The following TTC7B variants were observed in gnomAD, a reference collection of about 807,000 sequenced individuals.
TTC7B encodes tetratricopeptide repeat protein 7B.
TTC7B carries 28 observed loss-of-function variants against 106.8 expected under a neutral mutation model. The ratio of observed to expected loss-of-function variants is 0.26; its 90% CI spans 0.19 to 0.36. The LOEUF (loss-of-function observed/expected upper bound fraction) is 0.36, where lower values mean the gene tolerates loss of function less well. Ranked by LOEUF, TTC7B falls within the 10% of genes least tolerant of loss-of-function variation. The pLI is 1.00. For synonymous variants in TTC7B, 405 were observed against 430.6 expected, an observed-to-expected ratio of 0.94 and a Z score of 0.74; for missense variants, 862 against 1,076.4, an observed-to-expected ratio of 0.80 and a Z score of 2.79.
chr14:90,766,096 T>C (rs986032357), intron 3 of TTC7B, among the ~76,000 whole-genome samples: 1 of 149,848 alleles, frequency 6.7e-6, no homozygotes, highest in East Asian at 2.0e-4. Flanking sequence ...CTCAAATATA[T>C]ACCCCAGGCT....
At chr14:90,743,700 G>A (rs1167367220) in intron 4 of TTC7B, among the ~76,000 whole-genome samples, 1 of 152,220 alleles carries the variant, frequency 6.6e-6, no homozygotes, top group Non-Finnish European at 1.5e-5. Context: ...TCTGGGCTAA[G>A]TGCCTTTATT....
chr14:90,625,597 C>T (rs531384076), intron 15 of TTC7B, among the ~76,000 whole-genome samples: 22 of 152,278 alleles, frequency 1.4e-4, no homozygotes, highest in African/African-American at 5.3e-4. Flanking sequence ...GCCAGGTGAG[C>T]CTATGATGCT....
chr14:90,797,869 G>A (rs1467059145), intron 1 of TTC7B, among the ~76,000 whole-genome samples: 1 of 152,150 alleles, frequency 6.6e-6, no homozygotes, highest in Non-Finnish European at 1.5e-5. Context: ...TGCACCCCAT[G>A]CAGCAGGACC....
chr14:90,547,505 C>T (rs961179784), intron 19 of TTC7B, among the ~76,000 whole-genome samples: 28 of 152,234 alleles, frequency 1.8e-4, no homozygotes, highest in African/African-American at 6.0e-4. Context: ...GGACAGAAGC[C>T]ACTTTGGAGG....
At chr14:90,693,589 C>G (rs762267946) in intron 6 of TTC7B, among the ~76,000 whole-genome samples, 1 of 152,150 alleles carries the variant, frequency 6.6e-6, no homozygotes, top group Non-Finnish European at 1.5e-5. Flanking sequence ...CAGCAGAGAA[C>G]GCTGCCAACA....
chr14:90,570,701 C>T lies in TTC7B; in HGVS notation c.2310+7405G>A, dbSNP rs200986863. 4.8e-4 allele frequency among the ~76,000 whole-genome samples: 73 copies of T among 152,264 alleles called. No homozygotes were observed. The highest frequency in any genetic ancestry group is 1.6e-3 in the African/African-American group (66 of 41,548). ...GATGACTCACTCACTGTCAAACAGACGCAAAGGATCTCCCAGCCCAGGCGC... is the reference window on the plus strand; with the variant it reads ...GATGACTCACTCACTGTCAAACAGATGCAAAGGATCTCCCAGCCCAGGCGC... On this transcript the variant is annotated intron_variant, in intron 19 of 19. Transcript: ENST00000328459. This position sits in a 1 kb window ranked among gnomAD's most constrained non-coding sequence, Gnocchi z 4.0.
rs952311472 is a variant in TTC7B at position 90,578,787 on chromosome 14, T to G, written c.2108-479A>C. Among the ~76,000 whole-genome samples the G allele has an allele frequency of 4.6e-5, 7 of 152,040 alleles. No homozygotes were observed. The highest frequency in any genetic ancestry group is 8.8e-5 in the Non-Finnish European group (6 of 68,018). On this transcript the variant is annotated intron_variant, in intron 18 of 19. Coordinates refer to ENST00000328459, the MANE Select transcript of TTC7B (RefSeq NM_001010854.2). The surrounding 1 kb of genome is among the most constrained non-coding windows in gnomAD (Gnocchi z 4.7). Reference sequence around the variant, plus strand: ...CTGATGCCAAGAAGTATGATGGGGCTGCAGGCTGCAGCTATCATGTTCACA... The same window carrying G: ...CTGATGCCAAGAAGTATGATGGGGCGGCAGGCTGCAGCTATCATGTTCACA...
At chr14:90,562,577 A>G (rs2139785841) in intron 19 of TTC7B, among the ~76,000 whole-genome samples, 1 of 152,312 alleles carries the variant, frequency 6.6e-6, no homozygotes, top group Admixed American at 6.5e-5. Flanking sequence ...TACCACCTAC[A>G]TTTAACAACC....
intron 15 of TTC7B, among the ~76,000 whole-genome samples, chr14:90,631,711 C>T (rs1249441811): frequency 6.6e-6 from 1 of 152,104 alleles, no homozygotes; most frequent in Non-Finnish European, 1.5e-5. Flanking sequence ...CAGCCTGAGT[C>T]TGCACCATTT....
At chr14:90,744,738 C>T in intron 4 of TTC7B, 54 bp downstream of exon 4, 1 of 1,585,854 alleles carries the variant, frequency 6.3e-7, no homozygotes, top group East Asian at 2.2e-5. Context: ...CAGTTGTCCA[C>T]TATCTGATTT....
At chr14:90,629,273 T>C (rs1236660398) in intron 15 of TTC7B, among the ~76,000 whole-genome samples, 2 of 152,098 alleles carry the variant, frequency 1.3e-5, no homozygotes, top group Non-Finnish European at 2.9e-5. Flanking sequence ...AATAGTAAAC[T>C]TTCCTTACTT....
At chr14:90,541,625 A>T in intron 19 of TTC7B, 36 bp from the exon 20 acceptor site, 1 of 1,499,550 alleles carries the variant, frequency 6.7e-7, no homozygotes, top group East Asian at 2.3e-5. Context: ...ACAGTCAGCC[A>T]TGGAGGCTTC....
Position 90,723,595 on chromosome 14 carries a change from T to C in TTC7B, c.698+6480A>G, listed in dbSNP as rs887423901. Reference sequence around the variant, plus strand: ...TTGCACCCACTCCTTGGAGCTCTCTTTCCCCTGTGCTTGACCTGGTTAGTT... The same window carrying C: ...TTGCACCCACTCCTTGGAGCTCTCTCTCCCCTGTGCTTGACCTGGTTAGTT... On this transcript the variant is annotated intron_variant, in intron 5 of 19. Transcript: ENST00000328459. Among the ~76,000 whole-genome samples, 5 of 152,154 alleles carry C rather than the reference T, an allele frequency of 3.3e-5. No homozygotes were observed. In the East Asian group the frequency reaches 9.7e-4, roughly 29 times the overall value.
At chr14:90,707,784 G>A (rs141224713) in intron 5 of TTC7B, among the ~76,000 whole-genome samples, 1 of 152,308 alleles carries the variant, frequency 6.6e-6, no homozygotes, top group African/African-American at 2.4e-5. Flanking sequence ...AGAAGATGCA[G>A]AGGAAAAGTT....
chr14:90,666,534 C>T (rs953638302), intron 9 of TTC7B, among the ~76,000 whole-genome samples: 2 of 152,110 alleles, frequency 1.3e-5, no homozygotes, highest in African/African-American at 4.8e-5. Context: ...AGCCTGGGTC[C>T]AGGAAAAGCT....
intron 1 of TTC7B, among the ~76,000 whole-genome samples, chr14:90,797,972 T>C (rs529741009): frequency 6.6e-6 from 1 of 152,302 alleles, no homozygotes; most frequent in Admixed American, 6.5e-5. Flanking sequence ...CTGAATCCCA[T>C]GCTCTGTGGC....
At chr14:90,703,263 G>A (rs1478670998) in intron 5 of TTC7B, among the ~76,000 whole-genome samples, 1 of 152,108 alleles carries the variant, frequency 6.6e-6, no homozygotes, top group African/African-American at 2.4e-5. Context: ...CAATCTGGAA[G>A]GTAAAAATGT....
Position 90,657,062 on chromosome 14 carries a change from T to C in TTC7B, c.1341+112A>G, listed in dbSNP as rs1885976915. The C allele has an allele frequency of 2.1e-6, 2 of 945,560 alleles. No homozygotes were observed. The highest frequency in any genetic ancestry group is 3.2e-6 in the Non-Finnish European group (2 of 626,956). 58.6% of individuals were successfully genotyped at this position (945,560 alleles called of 1,614,324 possible). On this transcript the variant is annotated intron_variant, in intron 11 of 19. Coordinates refer to ENST00000328459, the MANE Select transcript of TTC7B (RefSeq NM_001010854.2). The surrounding 1 kb of genome is among the most constrained non-coding windows in gnomAD (Gnocchi z 4.2). ...CCGTGGCTCTACACAGTCTTGTCTT[T>C]GTACAGCTGATGAATCACCCTCGCT...
intron 19 of TTC7B, chr14:90,567,367 G>C (rs939808002): frequency 5.9e-5 from 9 of 152,310 alleles, no homozygotes; most frequent in Admixed American, 2.0e-4. Context: ...ATCTAGGCGG[G>C]TAAGGGGCAA....
Sources: allele counts gnomAD v4.1 joint callset (sites outside exome capture counted in the v4.1 genomes callset), GRCh38; gene constraint gnomAD v4.1.1; non-coding constraint Gnocchi (gnomAD v3.1); transcripts MANE v1.5; gene names NCBI Gene and HGNC (gene_info 2026-07-23, HGNC 2026-07-21).